NDUFAF2: variants seen among roughly 807,000 people sequenced by gnomAD.
NDUFAF2 encodes NADH dehydrogenase [ubiquinone] 1 alpha subcomplex assembly factor 2.
Under a neutral mutation model 22.8 loss-of-function variants are expected in NDUFAF2, and 13 were observed. The observed-to-expected ratio is 0.57, with a 90% confidence interval of 0.37 to 0.91. NDUFAF2 has a LOEUF of 0.91. NDUFAF2 is among the 40% of genes least tolerant of loss of function. The pLI is 0.01. For synonymous variants in NDUFAF2, 53 were observed against 64.2 expected, an observed-to-expected ratio of 0.83 and a Z score of 0.84; for missense variants, 162 against 195.2, an observed-to-expected ratio of 0.83 and a Z score of 1.01.
intron 3 of NDUFAF2, among the ~76,000 whole-genome samples, chr5:61,143,967 TG>T (rs1741095052): frequency 3.7e-5 from 2 of 54,564 alleles, no homozygotes; most frequent in Non-Finnish European, 9.4e-5. Context: ...TTTTTGTGTG[TG>T]TGTGTGTGTG....
At chr5:61,053,118 G>A (rs1752046035) in intron 1 of NDUFAF2, among the ~76,000 whole-genome samples, 2 of 152,326 alleles carry the variant, frequency 1.3e-5, no homozygotes. Context: ...AGTGTTCAGG[G>A]AAGCCTTAGA....
intron 1 of NDUFAF2, among the ~76,000 whole-genome samples, chr5:60,948,485 T>G (rs1008728089): frequency 6.6e-6 from 1 of 152,174 alleles, no homozygotes; most frequent in African/African-American, 2.4e-5. Context: ...GTGCTGGGAT[T>G]ACAGATGTGA....
At chr5:60,952,413 A>G (rs1393581111) in intron 1 of NDUFAF2, among the ~76,000 whole-genome samples, 1 of 151,964 alleles carries the variant, frequency 6.6e-6, no homozygotes, top group African/African-American at 2.4e-5. Context: ...TGTAACGAAT[A>G]TATTTTCTTA....
At chr5:61,034,972 C>T (rs1278859038) in intron 1 of NDUFAF2, among the ~76,000 whole-genome samples, 1 of 147,984 alleles carries the variant, frequency 6.8e-6, no homozygotes, top group Admixed American at 6.9e-5. Flanking sequence ...TGTTAACATT[C>T]CTCTGTCTAA....
chr5:61,001,162 AT>A (rs1299321546), intron 1 of NDUFAF2, among the ~76,000 whole-genome samples: 1 of 152,092 alleles, frequency 6.6e-6, no homozygotes, highest in Non-Finnish European at 1.5e-5. Context: ...CCCTTTCCCA[AT>A]TACCTTCTAA....
intron 1 of NDUFAF2, among the ~76,000 whole-genome samples, chr5:60,948,205 A>G (rs937978730): frequency 7.2e-5 from 11 of 151,972 alleles, no homozygotes; most frequent in African/African-American, 2.7e-4. Context: ...ATTTTTTATA[A>G]TTTTTATTTA....
chr5:61,031,244 CCAT>C (rs1371120900), intron 1 of NDUFAF2, among the ~76,000 whole-genome samples: 8 of 151,940 alleles, frequency 5.3e-5, no homozygotes, highest in African/African-American at 1.9e-4. Context: ...TATACACGTG[CCAT>C]GGTGGTTTGC....
At chr5:61,076,922 A>C (rs1752378192) in intron 2 of NDUFAF2, among the ~76,000 whole-genome samples, 1 of 152,216 alleles carries the variant, frequency 6.6e-6, no homozygotes, top group Non-Finnish European at 1.5e-5. Flanking sequence ...GATGTGGAGC[A>C]TGAGAGGAAA....
intron 1 of NDUFAF2, among the ~76,000 whole-genome samples, chr5:61,038,381 G>C (rs1453688940): frequency 6.6e-6 from 1 of 152,142 alleles, no homozygotes; most frequent in Non-Finnish European, 1.5e-5. Flanking sequence ...CAGAGACTTA[G>C]AAGAGCTGTG....
intron 1 of NDUFAF2, among the ~76,000 whole-genome samples, chr5:61,054,723 T>C (rs947632507): frequency 2.0e-5 from 3 of 152,220 alleles, no homozygotes. Context: ...GGTAGGAACT[T>C]ATAGGCCTTA....
intron 2 of NDUFAF2, among the ~76,000 whole-genome samples, chr5:61,081,647 C>G (rs1280487282): frequency 6.6e-6 from 1 of 152,138 alleles, no homozygotes; most frequent in Non-Finnish European, 1.5e-5. Context: ...CCAGACAAAC[C>G]TCTATAGTTT....
chr5:60,962,705 C>T (rs1477639221), intron 1 of NDUFAF2, among the ~76,000 whole-genome samples: 5 of 151,332 alleles, frequency 3.3e-5, no homozygotes, highest in East Asian at 2.0e-4. Flanking sequence ...TGGTGGCACG[C>T]GCCTGTAGTC....
intron 1 of NDUFAF2, among the ~76,000 whole-genome samples, chr5:60,991,231 T>C (rs1751154303): frequency 6.6e-6 from 1 of 152,128 alleles, no homozygotes; most frequent in African/African-American, 2.4e-5. Context: ...ATGGGGTACA[T>C]GAGATTATGT....
chr5:61,144,999 G>A (rs1741118182), intron 3 of NDUFAF2, among the ~76,000 whole-genome samples: 1 of 152,066 alleles, frequency 6.6e-6, no homozygotes, highest in Non-Finnish European at 1.5e-5. Flanking sequence ...TTTGCATGAG[G>A]GACTGTATGA....
intron 1 of NDUFAF2, among the ~76,000 whole-genome samples, chr5:61,022,271 G>A (rs1751592879): frequency 6.6e-6 from 1 of 152,086 alleles, no homozygotes; most frequent in African/African-American, 2.4e-5. Flanking sequence ...ACTTTCTAAT[G>A]TGTTTACCAA....
chr5:61,136,301 C>A (rs543045397), intron 3 of NDUFAF2, among the ~76,000 whole-genome samples: 1 of 151,744 alleles, frequency 6.6e-6, no homozygotes, highest in Admixed American at 6.6e-5. Flanking sequence ...AGTCTGTTTC[C>A]CAATTTGATT....
intron 3 of NDUFAF2, among the ~76,000 whole-genome samples, chr5:61,099,975 T>TACTGAACCCATTAATGTTCATTC (rs1417875765): frequency 5.3e-5 from 8 of 152,190 alleles, no homozygotes; most frequent in Admixed American, 3.9e-4. Context: ...ATTTGTCATA[T>TACTGAACCCATTAATGTTCATTC]ACTGAACCCA....
At chr5:60,959,999 T>C (rs1459329321) in intron 1 of NDUFAF2, among the ~76,000 whole-genome samples, 1 of 152,302 alleles carries the variant, frequency 6.6e-6, no homozygotes, top group Non-Finnish European at 1.5e-5. Context: ...GGATGAAATG[T>C]GTTCACAGTC....
chr5:61,108,996 T>A (rs982543869), intron 3 of NDUFAF2, among the ~76,000 whole-genome samples: 2 of 152,146 alleles, frequency 1.3e-5, no homozygotes, highest in African/African-American at 2.4e-5. Context: ...TCTGTGAATG[T>A]CATTGGTATT....
Sources: gnomAD v4.1 joint callset for allele counts (sites outside exome capture counted in the v4.1 genomes callset) on GRCh38, gnomAD v4.1.1 for gene constraint, MANE v1.5 for transcripts, NCBI Gene and HGNC (gene_info 2026-07-23, HGNC 2026-07-21) for gene names.